The following AGBL4 variants were observed in gnomAD, a reference collection of about 807,000 sequenced individuals.
AGBL4 encodes the protein AGBL carboxypeptidase 4, also known as cytosolic carboxypeptidase 6.
AGBL4 carries 58 observed loss-of-function variants against 66.4 expected under a neutral mutation model. The observed-to-expected ratio is 0.87, with a 90% confidence interval of 0.71 to 1.09. The LOEUF (loss-of-function observed/expected upper bound fraction) is 1.09. Ranked by LOEUF, AGBL4 falls within the 50% of genes least tolerant of loss-of-function variation. AGBL4 has a pLI of 0.00. For missense variants in AGBL4, 579 were observed against 631.0 expected, an observed-to-expected ratio of 0.92 and a Z score of 0.88; for synonymous variants, 234 against 222.9, an observed-to-expected ratio of 1.05 and a Z score of -0.44.
intron 2 of AGBL4, among the ~76,000 whole-genome samples, chr1:49,822,151 G>A (rs1344876719): frequency 3.9e-5 from 6 of 152,060 alleles, no homozygotes; most frequent in Non-Finnish European, 7.4e-5. Context: ...AATTGGGGGG[G>A]TTTTATTCAC....
intron 1 of AGBL4, among the ~76,000 whole-genome samples, chr1:49,927,022 A>C (rs1371719743): frequency 2.0e-5 from 3 of 152,210 alleles, no homozygotes; most frequent in Non-Finnish European, 4.4e-5. Context: ...AGCATCCAGC[A>C]TGGGAGAAAG....
chr1:49,863,896 C>T (rs547475100), intron 1 of AGBL4, among the ~76,000 whole-genome samples: 12 of 152,140 alleles, frequency 7.9e-5, no homozygotes, highest in Non-Finnish European at 1.5e-4. Context: ...AAAAATAGAG[C>T]TACCATATGA....
At chr1:49,427,928 G>T (rs1645701295) in intron 3 of AGBL4, among the ~76,000 whole-genome samples, 1 of 151,998 alleles carries the variant, frequency 6.6e-6, no homozygotes, top group Non-Finnish European at 1.5e-5. Context: ...AGTGCTGATT[G>T]GTGCATTTTT....
chr1:49,938,951 C>A (rs1022683607), intron 1 of AGBL4, among the ~76,000 whole-genome samples: 2 of 151,972 alleles, frequency 1.3e-5, no homozygotes, highest in African/African-American at 4.8e-5. Flanking sequence ...ATCTAGAAAA[C>A]CCCACTGGCT....
At chr1:48,802,292 T>C (rs542712758) in intron 6 of AGBL4, among the ~76,000 whole-genome samples, 1 of 152,338 alleles carries the variant, frequency 6.6e-6, no homozygotes, top group South Asian at 2.1e-4. Context: ...AGAGTCACCT[T>C]AGCCATTATC....
intron 3 of AGBL4, among the ~76,000 whole-genome samples, chr1:49,261,761 T>C (rs1653193349): frequency 2.7e-5 from 4 of 147,450 alleles, no homozygotes. Context: ...TTCAATGCCA[T>C]CCCCATCAAG....
chr1:48,573,017 C>A (rs756329165), intron 11 of AGBL4, among the ~76,000 whole-genome samples: 1 of 152,226 alleles, frequency 6.6e-6, no homozygotes, highest in Non-Finnish European at 1.5e-5. Flanking sequence ...CCTACTAACA[C>A]AGGCTGGGAA....
At chr1:49,858,547 C>T (rs189860364) in intron 1 of AGBL4, among the ~76,000 whole-genome samples, 1 of 151,646 alleles carries the variant, frequency 6.6e-6, no homozygotes, top group African/African-American at 2.4e-5. Context: ...ATTGAAGGGA[C>T]CACGCAAACA....
At chr1:48,742,909 C>A (rs1650139707) in intron 6 of AGBL4, 6 of 775,960 alleles carry the variant, frequency 7.7e-6, no homozygotes, top group Non-Finnish European at 9.3e-6. Flanking sequence ...ACACTTAAAC[C>A]CAGACTCGAA....
intron 6 of AGBL4, among the ~76,000 whole-genome samples, chr1:48,681,252 G>A (rs752912098): frequency 6.6e-6 from 1 of 152,174 alleles, no homozygotes; most frequent in Non-Finnish European, 1.5e-5. Flanking sequence ...TTGTATTTGA[G>A]GAAGAAATAA....
rs572847180 is a variant in AGBL4, at chr1:50,004,969, C to A, written c.34+18794G>T. 3.9e-5 allele frequency among the ~76,000 whole-genome samples: 6 copies of A among 152,218 alleles called. No individual in the cohort carries two copies. The East Asian group carries it at 9.7e-4, about 25-fold the overall frequency. On this transcript the variant is annotated intron_variant, in intron 1 of 13. Transcript: ENST00000371839. ...GTACCAAATGGACTCTTGGAATATGCAATTCCAGGAATGTAGAGCACAAGC... is the reference window on the plus strand; with the variant it reads ...GTACCAAATGGACTCTTGGAATATGAAATTCCAGGAATGTAGAGCACAAGC...
intron 6 of AGBL4, among the ~76,000 whole-genome samples, chr1:48,700,107 C>T (rs537550574): frequency 6.6e-6 from 1 of 152,162 alleles, no homozygotes; most frequent in South Asian, 2.1e-4. Context: ...TCCTCTGTGC[C>T]CCTTTCCCTT....
intron 3 of AGBL4, among the ~76,000 whole-genome samples, chr1:49,388,188 C>T (rs917046670): frequency 2.0e-5 from 3 of 152,084 alleles, no homozygotes; most frequent in Admixed American, 6.6e-5. Flanking sequence ...AATAAGAACA[C>T]ATATTTGTAT....
chr1:49,771,874 G>A (rs1421154206), intron 2 of AGBL4, among the ~76,000 whole-genome samples: 3 of 151,876 alleles, frequency 2.0e-5, no homozygotes, highest in African/African-American at 7.3e-5. Flanking sequence ...CTTTAATGGT[G>A]AGATGAGTCT....
chr1:49,942,459 G>A (rs1654849324), intron 1 of AGBL4, among the ~76,000 whole-genome samples: 1 of 151,978 alleles, frequency 6.6e-6, no homozygotes, highest in African/African-American at 2.4e-5. Flanking sequence ...TAGTAATCAA[G>A]CAACATGGCA....
At chr1:48,553,945 C>T (rs1239020375) in intron 11 of AGBL4, among the ~76,000 whole-genome samples, 2 of 152,190 alleles carry the variant, frequency 1.3e-5, no homozygotes. Flanking sequence ...TCTGCATTAA[C>T]TTAACTAGAA....
At chr1:49,021,864 A>G (rs1325053921) in intron 5 of AGBL4, among the ~76,000 whole-genome samples, 2 of 152,108 alleles carry the variant, frequency 1.3e-5, no homozygotes, top group African/African-American at 4.8e-5. Context: ...GAAGACTTAT[A>G]TTTCAGGGTC....
rs575779266 is a variant in AGBL4, at chr1:49,384,333, C to T, written c.283-138469G>A. On this transcript the variant is annotated intron_variant, in intron 3 of 13. Transcript: ENST00000371839. ...GGGCGGCTGGGCTCGGTGGCTCATGCCTGTAATCCCAGCATTTTGGGAGGT... is the reference window on the plus strand; with the variant it reads ...GGGCGGCTGGGCTCGGTGGCTCATGTCTGTAATCCCAGCATTTTGGGAGGT... Among the ~76,000 whole-genome samples the T allele has an allele frequency of 2.7e-4, 41 of 151,880 alleles. 2 individuals carry two copies. In the South Asian group the frequency reaches 6.9e-3, roughly 26 times the overall value.
chr1:49,640,562 A>C (rs1645760535), intron 3 of AGBL4, among the ~76,000 whole-genome samples: 1 of 152,140 alleles, frequency 6.6e-6, no homozygotes, highest in Non-Finnish European at 1.5e-5. Context: ...ATGTAGCAGA[A>C]ACTTAAAACA....
Sources: gnomAD v4.1 joint callset for allele counts (sites outside exome capture counted in the v4.1 genomes callset) on GRCh38, gnomAD v4.1.1 for gene constraint, MANE v1.5 for transcripts, NCBI Gene and HGNC (gene_info 2026-07-23, HGNC 2026-07-21) for gene names.